The following ACSS2 variants were observed in gnomAD, a reference collection of about 807,000 sequenced individuals.
The protein encoded by ACSS2 is acetyl-coenzyme A synthetase, cytoplasmic.
ACSS2 carries 58 observed loss-of-function variants against 90.6 expected under a neutral mutation model. The ratio of observed to expected loss-of-function variants is 0.64; its 90% confidence interval spans 0.52 to 0.80. The LOEUF is 0.80. ACSS2 is among the 30% of genes least tolerant of loss of function. ACSS2 has a pLI of 0.00. For synonymous variants in ACSS2, 300 were observed against 330.9 expected (o/e 0.91, Z 1.01); for missense variants, 759 against 912.0 (o/e 0.83, Z 2.16).
rs376575598 is a variant in ACSS2, at chr20:34,921,618, G to A, written c.1467+18G>A. 6.2e-7 allele frequency: 1 copy of A among 1,614,174 alleles called. No individual in the cohort carries two copies. Among genetic ancestry groups the A allele is most frequent in the Non-Finnish European group, 8.5e-7 (1 of 1,180,034 alleles). On this transcript the variant is annotated intron_variant, in intron 12 of 17. Transcript: ENST00000360596. ...GTTCTGCTGTGAGTGATGCTTCCCT[G>A]GCTGGTCTTGGGCTAGGCAGGGATG...
intron 2 of ACSS2, among the ~76,000 whole-genome samples, chr20:34,895,037 G>A (rs2080429479): frequency 6.6e-6 from 1 of 152,076 alleles, no homozygotes; most frequent in Admixed American, 6.6e-5. Flanking sequence ...AGACAATTCT[G>A]ATGTTGGGGG....
intron 2 of ACSS2, among the ~76,000 whole-genome samples, chr20:34,894,846 TA>T (rs1190437441): frequency 6.6e-6 from 1 of 152,182 alleles, no homozygotes; most frequent in Non-Finnish European, 1.5e-5. Flanking sequence ...TACATTGAAT[TA>T]GGGGTAAACA....
intron 1 of ACSS2, among the ~76,000 whole-genome samples, chr20:34,882,447 C>G (rs887916704): frequency 6.6e-6 from 1 of 151,974 alleles, no homozygotes; most frequent in Admixed American, 6.6e-5. Context: ...CATAGTGAAA[C>G]CCCGTCTCTA....
At chr20:34,899,676 A>T (rs981113454) in intron 2 of ACSS2, among the ~76,000 whole-genome samples, 9 of 151,796 alleles carry the variant, frequency 5.9e-5, no homozygotes, top group South Asian at 2.1e-4. Flanking sequence ...TTTAGTAGAG[A>T]CGGGGTTTCA....
chr20:34,920,424 T>C, intron 8 of ACSS2, 115 bp from the exon 9 acceptor site: 2 of 981,402 alleles, frequency 2.0e-6, no homozygotes, highest in Non-Finnish European at 3.0e-6. Flanking sequence ...GTGAAAAGGG[T>C]GCTGGCAGGG....
chr20:34,877,838 A>ATT lies in ACSS2; in HGVS notation c.178+1015_178+1016insTT, dbSNP rs2079959085. On this transcript the variant is annotated intron_variant, in intron 1 of 17. Transcript: ENST00000360596. ...TGTCTCAAAAAAAAAAAAAAAAAAAAAAAAAAAAAAAGGTATAAGGAAAAT... is the reference window on the plus strand; with the variant it reads ...TGTCTCAAAAAAAAAAAAAAAAAAAATTAAAAAAAAAAAGGTATAAGGAAAAT... Among the ~76,000 whole-genome samples, 6 of 148,984 alleles carry ATT rather than the reference A, an allele frequency of 4.0e-5. 1 individual carries two copies. Among genetic ancestry groups the ATT allele is most frequent in the East Asian group, 1.9e-4 (1 of 5,144 alleles).
chr20:34,920,503 C>T (rs368955611), intron 8 of ACSS2, 36 bp from the exon 9 acceptor site: 222 of 1,601,202 alleles, frequency 1.4e-4, no homozygotes, highest in Non-Finnish European at 1.8e-4. Flanking sequence ...TAGGGGTGGG[C>T]ATAAGACCCT....
In ACSS2 at chr20:34,927,327, A is replaced by C; in HGVS notation, c.*113A>C. ...TGACCCACACTACCCTCCCTTGACC[A>C]GCTGTCTGGGACCGGAAACCAGCTT... On this transcript the variant is annotated 3_prime_UTR_variant, in exon 18 of 18. Transcript: ENST00000360596. This position sits in a 1 kb window ranked among gnomAD's most constrained non-coding sequence, Gnocchi z 4.2. The C allele has an allele frequency of 7.0e-7, 1 of 1,430,054 alleles. No homozygotes were observed. Among genetic ancestry groups the C allele is most frequent in the Middle Eastern group, 2.5e-4 (1 of 3,954 alleles). 88.6% of individuals were successfully genotyped at this position (1,430,054 alleles called of 1,614,324 possible).
chr20:34,911,665 C>G (rs1478759141), intron 2 of ACSS2, among the ~76,000 whole-genome samples: 3 of 152,098 alleles, frequency 2.0e-5, no homozygotes, highest in Non-Finnish European at 4.4e-5. Context: ...CCTAGTCACT[C>G]ATTTTTATAT....
intron 2 of ACSS2, among the ~76,000 whole-genome samples, chr20:34,887,767 A>T (rs2080234090): frequency 6.6e-6 from 1 of 151,654 alleles, no homozygotes; most frequent in Admixed American, 6.6e-5. Context: ...CAAAACAAAT[A>T]GATCTACATA....
intron 2 of ACSS2, among the ~76,000 whole-genome samples, chr20:34,904,158 G>GA (rs2080741354): frequency 2.6e-5 from 4 of 151,352 alleles, no homozygotes; most frequent in Admixed American, 2.6e-4. Flanking sequence ...GGGTAGGTGA[G>GA]AAAAAGAGAA....
At chr20:34,905,718 C>G (rs989215195) in intron 2 of ACSS2, among the ~76,000 whole-genome samples, 1 of 152,216 alleles carries the variant, frequency 6.6e-6, no homozygotes, top group African/African-American at 2.4e-5. Context: ...GCCAGTTTTC[C>G]TGTCCTTCCC....
intron 2 of ACSS2, among the ~76,000 whole-genome samples, chr20:34,899,130 A>T (rs2080557774): frequency 6.6e-6 from 1 of 151,968 alleles, no homozygotes; most frequent in Non-Finnish European, 1.5e-5. Flanking sequence ...CCCACTCGGA[A>T]CTCCAGCTGG....
chr20:34,889,222 A>G (rs1013402129), intron 2 of ACSS2, among the ~76,000 whole-genome samples: 1 of 151,694 alleles, frequency 6.6e-6, no homozygotes, highest in African/African-American at 2.4e-5. Flanking sequence ...TCCTGGGTTC[A>G]CACCATTCTC....
intron 8 of ACSS2, 109 bp from the exon 9 acceptor site, chr20:34,920,430 C>A (rs1293177834): frequency 1.8e-6 from 2 of 1,082,710 alleles, no homozygotes; most frequent in African/African-American, 1.6e-5. Flanking sequence ...AGGGTGCTGG[C>A]AGGGCTGGAA....
chr20:34,904,332 T>C lies in ACSS2; in HGVS notation c.375-8764T>C, dbSNP rs563789621. On this transcript the variant is annotated intron_variant, in intron 2 of 17. Coordinates refer to ENST00000360596, the MANE Select transcript of ACSS2 (RefSeq NM_018677.4). Reference sequence around the variant, plus strand: ...ATAGGGAATAAGTCATGTGGCTATCTAGGGAAAGAACATTCCAAGTAGAGG... The same window carrying C: ...ATAGGGAATAAGTCATGTGGCTATCCAGGGAAAGAACATTCCAAGTAGAGG... Among the ~76,000 whole-genome samples the C allele has an allele frequency of 6.6e-5, 10 of 151,970 alleles. No homozygotes were observed. In the East Asian group the frequency reaches 1.4e-3, roughly 21 times the overall value.
intron 14 of ACSS2, among the ~76,000 whole-genome samples, chr20:34,924,965 C>T (rs1473281524): frequency 6.6e-6 from 1 of 152,192 alleles, no homozygotes; most frequent in Non-Finnish European, 1.5e-5. Context: ...GCTGGGATTA[C>T]AGGCATGAGC....
chr20:34,899,641 A>G (rs570292721), intron 2 of ACSS2, among the ~76,000 whole-genome samples: 2 of 151,836 alleles, frequency 1.3e-5, no homozygotes, highest in Admixed American at 1.3e-4. Context: ...GGCACTGGCC[A>G]CCACGCCCGG....
chr20:34,926,015 C>G, intron 15 of ACSS2, 90 bp from the exon 16 acceptor site: 1 of 1,418,242 alleles, frequency 7.1e-7, no homozygotes, highest in Non-Finnish European at 9.9e-7. Context: ...TCCATTTGGC[C>G]AGACCAGGAC....
Sources: allele counts gnomAD v4.1 joint callset (sites outside exome capture counted in the v4.1 genomes callset), GRCh38; gene constraint gnomAD v4.1.1; non-coding constraint Gnocchi (gnomAD v3.1); transcripts MANE v1.5; gene names NCBI Gene and HGNC (gene_info 2026-07-23, HGNC 2026-07-21).